TMX2: variants seen among roughly 807,000 people sequenced by gnomAD.
TMX2 encodes the protein thioredoxin-related transmembrane protein 2.
In TMX2, 20 loss-of-function variants were observed where a neutral mutation model predicts 33.4. The ratio of observed to expected loss-of-function variants is 0.60; its 90% CI spans 0.42 to 0.87. The LOEUF (loss-of-function observed/expected upper bound fraction) is 0.87. Ranked by LOEUF, TMX2 falls within the 40% of genes least tolerant of loss-of-function variation. The pLI is 0.00. For synonymous variants in TMX2, 166 were observed against 140.7 expected, an observed-to-expected ratio of 1.18 and a Z score of -1.27; for missense variants, 340 against 370.7, an observed-to-expected ratio of 0.92 and a Z score of 0.68.
chr11:57,716,250 C>G lies in TMX2; in HGVS notation c.189+3443C>G, dbSNP rs543298916. Among the ~76,000 whole-genome samples the G allele has an allele frequency of 2.1e-4, 31 of 148,276 alleles. No individual in the cohort carries two copies. In the South Asian group the frequency reaches 6.2e-3, roughly 29 times the overall value. Reference sequence around the variant, plus strand: ...CTCCCTCCTGGACGGGGCGGATGGCCGGGCGGGGGGCTGACCCCCCCCCAC... The same window carrying G: ...CTCCCTCCTGGACGGGGCGGATGGCGGGGCGGGGGGCTGACCCCCCCCCAC... On this transcript the variant is annotated intron_variant, in intron 1 of 7. Transcript: ENST00000278422.
Position 57,738,744 on chromosome 11 carries a change from C to G in TMX2, c.522C>G (p.Ala174=). 1 of 1,614,014 alleles carries G rather than the reference C, an allele frequency of 6.2e-7. No homozygotes were observed. Among genetic ancestry groups the G allele is most frequent in the Non-Finnish European group, 8.5e-7 (1 of 1,179,944 alleles). ...GGTCTAATGACTGCCAATCATTTGC[C>G]CCTATCTATGCTGACCTCTCCCTTA... ...ANWSNDCQSF[A]PIYADLSLKY... Residue 174 remains alanine, a synonymous_variant, in exon 5 of 8, where the codon GCC becomes GCG. Coordinates refer to ENST00000278422, the MANE Select transcript of TMX2 (RefSeq NM_015959.4).
rs371755868 is a variant in TMX2, at chr11:57,740,248, T to A, written c.*3T>A. The A allele has an allele frequency of 2.5e-6, 4 of 1,587,546 alleles. No homozygotes were observed. Among genetic ancestry groups the A allele is most frequent in the Non-Finnish European group, 3.4e-6 (4 of 1,168,218 alleles). On this transcript the variant is annotated 3_prime_UTR_variant, in exon 8 of 8. Transcript: ENST00000278422. ...GGGAAAACAAGAAGGATAAATAAGA[T>A]CCTCACTTTGGCAGTGCTTCCTCTC... is the stretch of plus-strand genomic sequence containing the variant.
At chr11:57,730,097 C>A (rs1948262856) in intron 1 of TMX2, among the ~76,000 whole-genome samples, 1 of 144,460 alleles carries the variant, frequency 6.9e-6, no homozygotes, top group African/African-American at 2.6e-5. Context: ...GAGCAAGACT[C>A]CGTTTCCCCC....
At chr11:57,730,720 G>A (rs1220579111) in intron 1 of TMX2, among the ~76,000 whole-genome samples, 5 of 152,068 alleles carry the variant, frequency 3.3e-5, no homozygotes, top group African/African-American at 9.7e-5. Flanking sequence ...CCTGGGCAAC[G>A]AGTGAAACTG....
Position 57,712,753 on chromosome 11 carries a change from C to T in TMX2, c.135C>T (p.Leu45=), listed in dbSNP as rs1946686131. ...TACTCGTGAGGAAACTGCCGCCGCT[C>T]TGCCACGGTCTGCCCACCCAACGCG... The part of the protein sequence containing the change: ...AFLLVRKLPP[L]CHGLPTQRED... The change falls in exon 1 of 8, where the codon CTC becomes CTT. Residue 45 remains leucine, a synonymous_variant. Coordinates refer to ENST00000278422, the MANE Select transcript of TMX2 (RefSeq NM_015959.4). The T allele has an allele frequency of 1.2e-6, 2 of 1,614,206 alleles. No homozygotes were observed. Among genetic ancestry groups the T allele is most frequent in the Non-Finnish European group, 1.7e-6 (2 of 1,180,040 alleles).
chr11:57,726,461 T>G (rs901556272), intron 1 of TMX2, among the ~76,000 whole-genome samples: 1 of 151,872 alleles, frequency 6.6e-6, no homozygotes, highest in African/African-American at 2.4e-5. Context: ...GTAACTTTGT[T>G]TTTTGGGTTT....
chr11:57,713,415 G>A (rs1415992662), intron 1 of TMX2, among the ~76,000 whole-genome samples: 1 of 152,168 alleles, frequency 6.6e-6, no homozygotes, highest in Non-Finnish European at 1.5e-5. Flanking sequence ...GGGGGCTACT[G>A]TAAAGGAATT....
At chr11:57,724,072 A>G (rs1177517117) in intron 1 of TMX2, among the ~76,000 whole-genome samples, 1 of 152,034 alleles carries the variant, frequency 6.6e-6, no homozygotes, top group Admixed American at 6.6e-5. Flanking sequence ...CTTTTTTTAA[A>G]AAAAACTTTA....
At chr11:57,719,514 CTTTTTTT>C (rs1183104624) in intron 1 of TMX2, among the ~76,000 whole-genome samples, 7 of 70,510 alleles carry the variant, frequency 9.9e-5, no homozygotes, top group South Asian at 6.0e-4. Flanking sequence ...TTTTCTTTGT[CTTTTTTT>C]TTTTTTTTTT....
chr11:57,732,827 G>A (rs1045370728), intron 1 of TMX2, among the ~76,000 whole-genome samples: 1 of 152,074 alleles, frequency 6.6e-6, no homozygotes, highest in Middle Eastern at 3.2e-3. Context: ...TCAGCCTGGT[G>A]GGGGGTGGGG....
intron 7 of TMX2, among the ~76,000 whole-genome samples, 196 bp downstream of exon 7, chr11:57,739,456 T>C (rs1948949362): frequency 6.6e-6 from 1 of 152,172 alleles, no homozygotes; most frequent in African/African-American, 2.4e-5. Flanking sequence ...GTAACAATCA[T>C]TAGTTAAGAT....
At chr11:57,719,424 A>G (rs1947427061) in intron 1 of TMX2, among the ~76,000 whole-genome samples, 1 of 151,366 alleles carries the variant, frequency 6.6e-6, no homozygotes, top group African/African-American at 2.4e-5. Context: ...ACCCCCTTTA[A>G]AAAAAAATTA....
chr11:57,738,700 G>T lies in TMX2; in HGVS notation c.478G>T (p.Val160Leu). The T allele has an allele frequency of 1.9e-6, 3 of 1,614,080 alleles. No homozygotes were observed. In the Middle Eastern group the frequency reaches 5.0e-4, roughly 271 times the overall value. Reference sequence around the variant, plus strand: ...ACGGGACAAGAGGGTCACTTGGATTGTGGAGTTCTTTGCCAATTGGTCTAA... The same window carrying T: ...ACGGGACAAGAGGGTCACTTGGATTTTGGAGTTCTTTGCCAATTGGTCTAA... ...LERDKRVTWI[V>L]EFFANWSNDC... The change falls in exon 5 of 8, where the codon GTG becomes TTG. Residue 160 changes from valine (V) to leucine (L), a missense_variant. Around this residue, in one of 3 missense-constraint regions of TMX2, gnomAD observed 209 missense variants for 241.6 expected, o/e 0.87. Coordinates refer to ENST00000278422, the MANE Select transcript of TMX2 (RefSeq NM_015959.4).
In TMX2 at chr11:57,712,604, G is replaced by A. The variant is rs778869455; in HGVS notation, c.-15G>A. ...CCTACGACGCCGGCGAGCAGTGGCC[G>A]TTACGGCCGAAAAGATGGCGGTCTT... is the stretch of plus-strand genomic sequence containing the variant. On this transcript the variant is annotated 5_prime_UTR_variant, in exon 1 of 8. Transcript: ENST00000278422. 5 of 1,598,680 alleles carry A rather than the reference G, an allele frequency of 3.1e-6. No individual in the cohort carries two copies. The highest frequency in any genetic ancestry group is 1.7e-4 in the Middle Eastern group (1 of 5,858).
chr11:57,712,875 C>T (rs1172028767), intron 1 of TMX2, 68 bp downstream of exon 1: 1 of 1,575,372 alleles, frequency 6.3e-7, no homozygotes, highest in Non-Finnish European at 8.7e-7. Flanking sequence ...TATCTGGGAA[C>T]CCTGGGGTTT....
rs183797165 is a variant in TMX2 at position 57,723,530 on chromosome 11, A to G, written c.189+10723A>G. Among the ~76,000 whole-genome samples, 589 of 140,118 alleles carry G rather than the reference A, an allele frequency of 4.2e-3. 4 individuals are homozygous for G. The highest frequency in any genetic ancestry group is 0.015 in the African/African-American group (573 of 37,696). The allele number at this position is 140,118 out of a possible 152,430, so 91.9% of individuals were successfully genotyped here. A position where few individuals can be genotyped will look rare whatever the true frequency, so the allele number is the denominator to read the frequency against. On this transcript the variant is annotated intron_variant, in intron 1 of 7. Transcript: ENST00000278422. Reference sequence around the variant, plus strand: ...AAAAAAAAAAAGAAAGAAAGAAACTAAGTGGCTCACGCCTGTAATCCCAGC... The same window carrying G: ...AAAAAAAAAAAGAAAGAAAGAAACTGAGTGGCTCACGCCTGTAATCCCAGC...
chr11:57,717,191 C>A (rs577131708), intron 1 of TMX2, among the ~76,000 whole-genome samples: 1 of 151,056 alleles, frequency 6.6e-6, no homozygotes, highest in African/African-American at 2.4e-5. Flanking sequence ...GGATGGCGGC[C>A]GGGCAGAGAC....
At chr11:57,733,896 TGCGGTGGCTCACG>T (rs922292854) in intron 1 of TMX2, among the ~76,000 whole-genome samples, 2 of 151,790 alleles carry the variant, frequency 1.3e-5, no homozygotes, top group Admixed American at 1.3e-4. Flanking sequence ...GCGGGCTGGG[TGCGGTGGCTCACG>T]CCTGTAATCC....
intron 1 of TMX2, among the ~76,000 whole-genome samples, chr11:57,734,487 C>A (rs2135605741): frequency 6.6e-6 from 1 of 152,338 alleles, no homozygotes; most frequent in Middle Eastern, 3.4e-3. Context: ...GTGGCTCACG[C>A]CTATAATCTC....
Sources: gnomAD v4.1 joint callset for allele counts (sites outside exome capture counted in the v4.1 genomes callset) on GRCh38, gnomAD v4.1.1 for gene constraint, gnomAD v4.1.1 regional missense constraint, MANE v1.5 for transcripts, NCBI Gene and HGNC (gene_info 2026-07-23, HGNC 2026-07-21) for gene names.